XKR4: variants seen among roughly 807,000 people sequenced by gnomAD.
The protein encoded by XKR4 is XK-related protein 4.
In XKR4, 12 loss-of-function variants were observed where a neutral mutation model predicts 53.9. That is an observed-to-expected ratio of 0.22 (90% confidence interval 0.14 to 0.36). XKR4 has a LOEUF of 0.36. XKR4 is among the 10% of genes least tolerant of loss of function. XKR4 has a pLI of 1.00. For synonymous variants in XKR4, 354 were observed against 362.4 expected (o/e 0.98, Z 0.26); for missense variants, 799 against 859.5 (o/e 0.93, Z 0.88).
At position 55,523,651 on chromosome 8, in the gene XKR4, T is replaced by C. The variant is rs1375545871; in HGVS notation, c.1377T>C (p.Ile459=). 2 of 1,614,180 alleles carry C rather than the reference T, an allele frequency of 1.2e-6. No individual in the cohort carries two copies. The highest frequency in any genetic ancestry group is 2.2e-5 in the East Asian group (1 of 44,884). The change falls in exon 3 of 3, where the codon ATT becomes ATC. Residue 459 remains isoleucine (I), a synonymous_variant. Transcript: ENST00000327381. ...GCAGGACACGCTGCAGGCTATTCAT[T>C]TACTATTTTGTGATCCTTTTGGAAA... The part of the protein sequence containing the change: ...KEGRTRCRLF[I]YYFVILLENT...
intron 2 of XKR4, among the ~76,000 whole-genome samples, chr8:55,369,537 AAGAG>A (rs1011249710): frequency 3.0e-4 from 39 of 130,960 alleles, no homozygotes; most frequent in Admixed American, 5.4e-4. Context: ...AGGAAGGAGA[AAGAG>A]AGAGAGAAAG....
At position 55,464,531 on chromosome 8, in the gene XKR4, G is replaced by A. The variant is rs958810378; in HGVS notation, c.1007-58750G>A. 3.2e-4 allele frequency among the ~76,000 whole-genome samples: 49 copies of A among 152,088 alleles called. 1 individual carries two copies. The highest frequency in any genetic ancestry group is 5.2e-4 in the Admixed American group (8 of 15,266). ...CCACAGCCAATATCATACTGAATGG[G>A]CAAAAACTGGAAGCATTGAAACTTG... On this transcript the variant is annotated intron_variant, in intron 2 of 2. Coordinates refer to ENST00000327381, the MANE Select transcript of XKR4 (RefSeq NM_052898.2).
intron 1 of XKR4, among the ~76,000 whole-genome samples, chr8:55,313,226 TACA>T (rs1327044249): frequency 4.6e-5 from 7 of 152,334 alleles, no homozygotes; most frequent in African/African-American, 1.2e-4. Context: ...GTGTTCTTTT[TACA>T]ACATTACTAT....
At chr8:55,445,492 A>C (rs996103682) in intron 2 of XKR4, among the ~76,000 whole-genome samples, 4 of 152,202 alleles carry the variant, frequency 2.6e-5, no homozygotes, top group African/African-American at 9.7e-5. Context: ...TTAATATGAG[A>C]GTTTTCCTGA....
At chr8:55,475,236 A>G (rs1805960121) in intron 2 of XKR4, among the ~76,000 whole-genome samples, 1 of 152,130 alleles carries the variant, frequency 6.6e-6, no homozygotes, top group Non-Finnish European at 1.5e-5. Context: ...GCAGAGAGCA[A>G]TGTTAGGTAG....
intron 2 of XKR4, among the ~76,000 whole-genome samples, chr8:55,447,548 A>G (rs761857119): frequency 4.6e-5 from 7 of 152,228 alleles, no homozygotes; most frequent in Non-Finnish European, 8.8e-5. Flanking sequence ...TTGTACAGCT[A>G]TGTTAGTGTC....
chr8:55,463,355 C>T (rs62517386), intron 2 of XKR4, among the ~76,000 whole-genome samples: 25,171 of 151,454 alleles, frequency 0.17, 2,698 homozygotes, highest in Non-Finnish European at 0.24. Flanking sequence ...GGAAACTGAA[C>T]AACCTGCTCC....
intron 1 of XKR4, among the ~76,000 whole-genome samples, chr8:55,189,160 T>G (rs866292175): frequency 6.6e-6 from 1 of 152,220 alleles, no homozygotes; most frequent in South Asian, 2.1e-4. Flanking sequence ...GGGTGCCTGT[T>G]AAATTTATTT....
intron 1 of XKR4, among the ~76,000 whole-genome samples, chr8:55,268,255 A>G (rs1818639906): frequency 6.6e-6 from 1 of 152,222 alleles, no homozygotes; most frequent in Non-Finnish European, 1.5e-5. Context: ...ATTTCGAGAA[A>G]GGGAAGTTTG....
chr8:55,382,495 G>A (rs1364854300), intron 2 of XKR4, among the ~76,000 whole-genome samples: 1 of 152,150 alleles, frequency 6.6e-6, no homozygotes, highest in Non-Finnish European at 1.5e-5. Context: ...AAGGTAATCA[G>A]GTGATTCTTA....
chr8:55,346,685 A>ATGTGTGTGTGTGTGTGTGTGTG (rs10685965), intron 1 of XKR4, among the ~76,000 whole-genome samples: 8 of 138,474 alleles, frequency 5.8e-5, no homozygotes, highest in Non-Finnish European at 9.3e-5. Context: ...TGTTGAGGTT[A>ATGTGTGTGTGTGTGTGTGTGTG]TGTGTGTGTG....
Position 55,524,246 on chromosome 8 carries a change from A to G in XKR4, c.*19A>G, listed in dbSNP as rs1468518335. Reference sequence around the variant, plus strand: ...TTTATAAAGCAAAAGGAGTTGCAGGACCCACAACATCCAGATGAAGGGGTG... The same window carrying G: ...TTTATAAAGCAAAAGGAGTTGCAGGGCCCACAACATCCAGATGAAGGGGTG... On this transcript the variant is annotated 3_prime_UTR_variant, in exon 3 of 3. Coordinates refer to ENST00000327381, the MANE Select transcript of XKR4 (RefSeq NM_052898.2). The G allele has an allele frequency of 6.3e-7, 1 of 1,597,198 alleles. No homozygotes were observed. Among genetic ancestry groups the G allele is most frequent in the Non-Finnish European group, 8.5e-7 (1 of 1,169,994 alleles).
intron 1 of XKR4, among the ~76,000 whole-genome samples, chr8:55,136,503 G>A (rs977679698): frequency 1.3e-5 from 2 of 152,202 alleles, no homozygotes; most frequent in African/African-American, 4.8e-5. Context: ...TAGTATGTGG[G>A]TAATAGTGTA....
intron 2 of XKR4, chr8:55,450,046 C>A: frequency 1.3e-6 from 1 of 775,126 alleles, no homozygotes; most frequent in East Asian, 2.7e-5. Context: ...AGGGGTGCCA[C>A]GTCCATCTGG....
At chr8:55,329,494 C>G (rs1380285092) in intron 1 of XKR4, among the ~76,000 whole-genome samples, 1 of 151,950 alleles carries the variant, frequency 6.6e-6, no homozygotes, top group East Asian at 1.9e-4. Context: ...AGATTGAACA[C>G]CCCTGGTCTA....
chr8:55,286,161 C>G (rs1016586306), intron 1 of XKR4, among the ~76,000 whole-genome samples: 1 of 152,092 alleles, frequency 6.6e-6, no homozygotes, highest in Non-Finnish European at 1.5e-5. Context: ...GGGTCTCCTC[C>G]CTCAAAATGA....
chr8:55,455,085 C>A (rs939230458), intron 2 of XKR4: 1 of 680,698 alleles, frequency 1.5e-6, no homozygotes. Context: ...TTCCCACTCC[C>A]GCGCGGGTGC....
chr8:55,196,978 G>A (rs1314896157), intron 1 of XKR4, among the ~76,000 whole-genome samples: 2 of 152,296 alleles, frequency 1.3e-5, no homozygotes, highest in Non-Finnish European at 2.9e-5. Context: ...TTTCTGGTAT[G>A]AATGATGATG....
chr8:55,304,773 T>A (rs1819266793), intron 1 of XKR4, among the ~76,000 whole-genome samples: 1 of 152,140 alleles, frequency 6.6e-6, no homozygotes, highest in Non-Finnish European at 1.5e-5. Context: ...TCTCTTTTGA[T>A]CTTTGTTGGT....
Sources: allele counts gnomAD v4.1 joint callset (sites outside exome capture counted in the v4.1 genomes callset), GRCh38; gene constraint gnomAD v4.1.1; transcripts MANE v1.5; gene names NCBI Gene and HGNC (gene_info 2026-07-23, HGNC 2026-07-21).